Variants in PRKAR1B observed in about 807,000 individuals in gnomAD.
The protein encoded by PRKAR1B is cAMP-dependent protein kinase type I-beta regulatory subunit.
A neutral mutation model predicts 46.5 loss-of-function variants in PRKAR1B; 22 were observed. The observed-to-expected ratio is 0.47, with a 90% confidence interval of 0.34 to 0.68. PRKAR1B has a LOEUF of 0.68. PRKAR1B is among the 30% of genes least tolerant of loss of function. PRKAR1B has a pLI of 0.01. For missense variants in PRKAR1B, 445 were observed against 535.6 expected (o/e 0.83, Z 1.67); for synonymous variants, 259 against 217.7 (o/e 1.19, Z -1.67).
intron 4 of PRKAR1B, among the ~76,000 whole-genome samples, chr7:627,509 G>A (rs767543690): frequency 1.4e-4 from 21 of 152,170 alleles, no homozygotes; most frequent in East Asian, 1.9e-4. Context: ...GGACCCAGGC[G>A]GTCGGACAGC....
rs975272800 is a variant in PRKAR1B at position 642,550 on chromosome 7, C to G, written c.440+34679G>C. On this transcript the variant is annotated intron_variant, in intron 4 of 10. Transcript: ENST00000537384. ...ACCATCCCGGCTAAAACGGTGAAAC[C>G]CCGTCTCTACTAAAAATACAAAAAA... Among the ~76,000 whole-genome samples, 4 of 151,968 alleles carry G rather than the reference C, an allele frequency of 2.6e-5. No homozygotes were observed. In the South Asian group the frequency reaches 8.3e-4, roughly 32 times the overall value.
chr7:720,300 C>T (rs566034673), intron 1 of PRKAR1B, among the ~76,000 whole-genome samples: 62 of 152,224 alleles, frequency 4.1e-4, no homozygotes, highest in African/African-American at 1.4e-3. Context: ...TCAGGTGATC[C>T]GCCTGCCTCG....
intron 9 of PRKAR1B, among the ~76,000 whole-genome samples, chr7:559,631 C>A (rs1473376033): frequency 1.3e-5 from 2 of 152,192 alleles, no homozygotes; most frequent in Non-Finnish European, 2.9e-5. Context: ...GGAAGCCCAT[C>A]TCTTCCTATG....
At chr7:571,877 G>A (rs556194229) in intron 9 of PRKAR1B, among the ~76,000 whole-genome samples, 18 of 152,212 alleles carry the variant, frequency 1.2e-4, no homozygotes, top group African/African-American at 3.1e-4. Flanking sequence ...CCCCGCCTCC[G>A]GGAGCCCGCA....
At chr7:599,004 G>C (rs952761858) in intron 6 of PRKAR1B, among the ~76,000 whole-genome samples, 11 of 152,268 alleles carry the variant, frequency 7.2e-5, no homozygotes, top group African/African-American at 2.2e-4. Context: ...CTCAAAGCGG[G>C]GATCCGTGGC....
chr7:550,477 T>C lies in PRKAR1B; in HGVS notation c.1099A>G (p.Lys367Glu). Residue 367 changes from lysine to glutamate, a missense_variant, in exon 11 of 11, where the codon AAG becomes GAG. Transcript: ENST00000537384. Reference sequence around the variant, plus strand: ...CTGTTGTAACGCTGAATGTTCCTCTTGAGGATCTCAGAGCAGGGCCCCAGC... The same window carrying C: ...CTGTTGTAACGCTGAATGTTCCTCTCGAGGATCTCAGAGCAGGGCCCCAGC... ...RVLGPCSEIL[K>E]RNIQRYNSFI... is the part of the protein sequence containing the mutation. 1 of 1,598,550 alleles carries C rather than the reference T, an allele frequency of 6.3e-7. No homozygotes were observed. The highest frequency in any genetic ancestry group is 8.5e-7 in the Non-Finnish European group (1 of 1,173,106).
rs550479188 is a variant in PRKAR1B at position 644,633 on chromosome 7, C to T, written c.440+32596G>A. On this transcript the variant is annotated intron_variant, in intron 4 of 10. Coordinates refer to ENST00000537384, the MANE Select transcript of PRKAR1B (RefSeq NM_001164760.2). This position sits in a 1 kb window ranked among gnomAD's most constrained non-coding sequence, Gnocchi z 4.9. ...AGCAATGCAGGGCCGTTCTCAGCCT[C>T]AGCAGCTGAGCGTCCACCCCCAGGC... 6.6e-6 allele frequency among the ~76,000 whole-genome samples: 1 copy of T among 152,326 alleles called. No homozygotes were observed. The highest frequency in any genetic ancestry group is 2.1e-4 in the South Asian group (1 of 4,832).
chr7:605,952 G>A lies in PRKAR1B; in HGVS notation c.549+241C>T, dbSNP rs1024030148. The stretch of plus-strand genomic sequence containing the variant: ...AGCCCGGGGGCAAGCGGAAGACAGC[G>A]GCCCTGGAAAACCTGAGGCCGCTGC... On this transcript the variant is annotated intron_variant, in intron 6 of 10. Transcript: ENST00000537384. Among the ~76,000 whole-genome samples, 22 of 152,196 alleles carry A rather than the reference G, an allele frequency of 1.4e-4. No individual in the cohort carries two copies. The South Asian group carries it at 1.7e-3, about 11-fold the overall frequency.
chr7:678,430 C>T (rs2088720579), intron 3 of PRKAR1B, among the ~76,000 whole-genome samples: 1 of 152,152 alleles, frequency 6.6e-6, no homozygotes, highest in South Asian at 2.1e-4. Flanking sequence ...TGCAGTCACC[C>T]CACCGTGCAA....
intron 2 of PRKAR1B, among the ~76,000 whole-genome samples, chr7:691,152 CCCGCGCCCACCCAAA>C: frequency 6.6e-6 from 1 of 152,132 alleles, no homozygotes; most frequent in African/African-American, 2.4e-5. Flanking sequence ...CCCGAAGGGT[CCCGCGCCCACCCAAA>C]CTGTCCACTG....
At chr7:585,823 A>T (rs1027818814) in intron 7 of PRKAR1B, among the ~76,000 whole-genome samples, 1 of 152,142 alleles carries the variant, frequency 6.6e-6, no homozygotes, top group Admixed American at 6.5e-5. Flanking sequence ...ACTGGGCCCT[A>T]AAAGCCCCAA....
At chr7:680,481 G>C (rs537732943) in intron 3 of PRKAR1B, 75 bp downstream of exon 3, 1 of 1,423,920 alleles carries the variant, frequency 7.0e-7, no homozygotes, top group Admixed American at 2.6e-5. Context: ...TGCCCCGTGG[G>C]CTTCCAGGGA....
chr7:626,822 C>T (rs976641541), intron 4 of PRKAR1B, among the ~76,000 whole-genome samples: 2 of 151,978 alleles, frequency 1.3e-5, no homozygotes, highest in Admixed American at 1.3e-4. Flanking sequence ...GCGGTCCTCC[C>T]GCCTCAGCCT....
chr7:584,910 G>A (rs1780511651), intron 7 of PRKAR1B, among the ~76,000 whole-genome samples: 1 of 152,132 alleles, frequency 6.6e-6, no homozygotes, highest in Non-Finnish European at 1.5e-5. Flanking sequence ...GCCATGAAGG[G>A]CAGGGAGCTC....
At chr7:654,536 C>T (rs935675528) in intron 4 of PRKAR1B, among the ~76,000 whole-genome samples, 1 of 150,008 alleles carries the variant, frequency 6.7e-6, no homozygotes, top group Non-Finnish European at 1.5e-5. Flanking sequence ...CATCACCATC[C>T]TTATCACCTT....
intron 4 of PRKAR1B, among the ~76,000 whole-genome samples, chr7:635,367 G>A (rs1207370859): frequency 2.0e-5 from 3 of 152,212 alleles, no homozygotes; most frequent in African/African-American, 7.2e-5. Flanking sequence ...GGCAGACTGT[G>A]GCATCGCTGC....
At chr7:656,392 G>C (rs1395732280) in intron 4 of PRKAR1B, among the ~76,000 whole-genome samples, 1 of 152,170 alleles carries the variant, frequency 6.6e-6, no homozygotes, top group South Asian at 2.1e-4. Flanking sequence ...TAGATGAATA[G>C]ATGAAGAAAT....
intron 4 of PRKAR1B, among the ~76,000 whole-genome samples, chr7:655,635 G>C (rs910776012): frequency 1.3e-5 from 2 of 152,214 alleles, no homozygotes; most frequent in Admixed American, 1.3e-4. Context: ...AGTAAAGCCA[G>C]GTATGGTAGG....
Position 560,029 on chromosome 7 carries a change from CCT to C in PRKAR1B, c.892-8561_892-8560del, listed in dbSNP as rs1778687586. On this transcript the variant is annotated intron_variant, in intron 9 of 10. Transcript: ENST00000537384. The surrounding 1 kb of genome is among the most constrained non-coding windows in gnomAD (Gnocchi z 4.2). ...ACCAGCCTGGCTAGCAAAGCAGGAC[CCT>C]GTCTCTAATAATGACAAGGTTTGGC... Among the ~76,000 whole-genome samples, 1 of 152,112 alleles carries C rather than the reference CCT, an allele frequency of 6.6e-6. No individual in the cohort carries two copies. Among genetic ancestry groups the C allele is most frequent in the Admixed American group, 6.6e-5 (1 of 15,266 alleles).
Sources: allele counts gnomAD v4.1 joint callset (sites outside exome capture counted in the v4.1 genomes callset), GRCh38; gene constraint gnomAD v4.1.1; non-coding constraint Gnocchi (gnomAD v3.1); transcripts MANE v1.5; gene names NCBI Gene and HGNC (gene_info 2026-07-23, HGNC 2026-07-21).